Variants in ABI3BP observed in about 807,000 individuals in gnomAD.
ABI3BP encodes target of Nesh-SH3.
A neutral mutation model predicts 268.6 loss-of-function variants in ABI3BP; 216 were observed. The observed-to-expected ratio is 0.80, with a 90% confidence interval of 0.72 to 0.90. The LOEUF is 0.90. Among genes scored for constraint, ABI3BP ranks in the 40% least tolerant of loss-of-function variants. The probability of loss-of-function intolerance (pLI) is 0.00; values close to 1 mark genes in which losing one functional copy is unlikely to be tolerated. For missense variants in ABI3BP, 2,090 were observed against 2,182.4 expected, an observed-to-expected ratio of 0.96 and a Z score of 0.84; for synonymous variants, 730 against 730.0, an observed-to-expected ratio of 1.00 and a Z score of 0.00.
intron 2 of ABI3BP, among the ~76,000 whole-genome samples, chr3:100,916,552 G>C (rs182623629): frequency 3.3e-5 from 5 of 152,296 alleles, no homozygotes; most frequent in African/African-American, 1.2e-4. Context: ...GTGGGGCAAA[G>C]AGAATGCTAA....
At chr3:100,892,867 G>A (rs2045410832) in intron 4 of ABI3BP, among the ~76,000 whole-genome samples, 1 of 152,158 alleles carries the variant, frequency 6.6e-6, no homozygotes, top group Non-Finnish European at 1.5e-5. Flanking sequence ...ATATAATAAG[G>A]AGTGAGCAAA....
At chr3:100,939,425 G>A (rs914826320) in intron 1 of ABI3BP, among the ~76,000 whole-genome samples, 2 of 151,876 alleles carry the variant, frequency 1.3e-5, no homozygotes, top group African/African-American at 4.8e-5. Flanking sequence ...TTAAGCGTCA[G>A]CCAGCTTGAA....
intron 62 of ABI3BP, 142 bp from the exon 63 acceptor site, chr3:100,766,091 A>G (rs528604778): frequency 1.3e-5 from 8 of 608,922 alleles, no homozygotes; most frequent in Admixed American, 5.4e-5. Flanking sequence ...GATCTTACAC[A>G]TTGGCAATTT....
intron 1 of ABI3BP, among the ~76,000 whole-genome samples, chr3:100,979,890 A>C (rs1267673373): frequency 6.6e-6 from 1 of 152,238 alleles, no homozygotes; most frequent in Non-Finnish European, 1.5e-5. Flanking sequence ...GTTTTTGAAA[A>C]TTTGTGAAAT....
chr3:100,825,000 AG>A, intron 35 of ABI3BP, 59 bp from the exon 36 acceptor site: 3 of 1,409,176 alleles, frequency 2.1e-6, no homozygotes, highest in Non-Finnish European at 2.9e-6. Context: ...TACTGAGGAA[AG>A]GTTTTTCCAA....
intron 1 of ABI3BP, among the ~76,000 whole-genome samples, chr3:100,980,492 T>C (rs2088801182): frequency 6.6e-6 from 1 of 152,170 alleles, no homozygotes; most frequent in South Asian, 2.1e-4. Context: ...TTAATATGGG[T>C]TATAAAAGTC....
In ABI3BP at chr3:100,756,165, T is replaced by C. The variant is rs1477292179; in HGVS notation, c.4851-1474A>G. ...GTAAACCCTGATGAGATAAATCTTA[T>C]CCTAATTTTCAGCTGAGAGCAATGA... is the stretch of plus-strand genomic sequence containing the variant. On this transcript the variant is annotated intron_variant, in intron 63 of 67. Transcript: ENST00000471714. Among the ~76,000 whole-genome samples the C allele has an allele frequency of 1.3e-5, 2 of 152,360 alleles. 1 individual carries two copies. The highest frequency in any genetic ancestry group is 4.1e-4 in the South Asian group (2 of 4,830).
chr3:100,835,549 A>T, intron 28 of ABI3BP, 52 bp downstream of exon 28: 1 of 1,369,726 alleles, frequency 7.3e-7, no homozygotes, highest in Non-Finnish European at 1.0e-6. Context: ...GATGGAATAG[A>T]CTAGACAATG....
chr3:100,948,672 C>T (rs1382387934), intron 1 of ABI3BP, among the ~76,000 whole-genome samples: 2 of 152,132 alleles, frequency 1.3e-5, no homozygotes, highest in East Asian at 3.8e-4. Flanking sequence ...TTCCTCTACC[C>T]CAATAATAGT....
chr3:100,826,456 T>C lies in ABI3BP; in HGVS notation c.2603-612A>G, dbSNP rs1318157940. On this transcript the variant is annotated intron_variant, in intron 34 of 67. Transcript: ENST00000471714. ...TACATGAGGCAAACAATTCCTGTAG[T>C]TATGGTGTTTATCTGAATATAATAT... Among the ~76,000 whole-genome samples, 3 of 152,242 alleles carry C rather than the reference T, an allele frequency of 2.0e-5. No individual in the cohort carries two copies. In the East Asian group the frequency reaches 5.8e-4, roughly 29 times the overall value.
chr3:100,912,252 T>C (rs1040215172), intron 2 of ABI3BP: 1 of 36,490 alleles, frequency 2.7e-5, no homozygotes, highest in East Asian at 5.7e-4. Context: ...AAACAGTTTA[T>C]AGAAAAGGAA....
intron 1 of ABI3BP, among the ~76,000 whole-genome samples, chr3:100,963,593 A>G (rs776600360): frequency 7.9e-5 from 12 of 152,158 alleles, no homozygotes; most frequent in Non-Finnish European, 1.2e-4. Context: ...AACAGTTTCC[A>G]TTGTTCCCAG....
chr3:100,911,349 A>G (rs2056380036), intron 2 of ABI3BP: 2 of 270,414 alleles, frequency 7.4e-6, no homozygotes, highest in African/African-American at 2.3e-5. Context: ...ATAATGCTTG[A>G]CCAGGAAAAA....
At position 100,796,296 on chromosome 3, in the gene ABI3BP, A is replaced by AT. The variant is rs1287271127; in HGVS notation, c.3817+112dup. 4 of 823,484 alleles carry AT rather than the reference A, an allele frequency of 4.9e-6. No individual in the cohort carries two copies. In the East Asian group the frequency reaches 8.6e-5, roughly 18 times the overall value. 51.0% of individuals were successfully genotyped at this position (823,484 alleles called of 1,614,324 possible). ...CAAGAAATATGCATTTTATACCCATATTTTTTCTCTAAATTTCTTCCATAT... is the reference window on the plus strand; with the variant it reads ...CAAGAAATATGCATTTTATACCCATATTTTTTTCTCTAAATTTCTTCCATAT... On this transcript the variant is annotated intron_variant, in intron 52 of 67. Transcript: ENST00000471714.
chr3:100,968,967 C>G (rs957751237), intron 1 of ABI3BP, among the ~76,000 whole-genome samples: 1 of 152,170 alleles, frequency 6.6e-6, no homozygotes, highest in Non-Finnish European at 1.5e-5. Context: ...GGCAGTTTCT[C>G]CTGCAGGCCT....
chr3:100,893,990 A>G (rs1293512949), intron 4 of ABI3BP, among the ~76,000 whole-genome samples: 1 of 152,144 alleles, frequency 6.6e-6, no homozygotes, highest in African/African-American at 2.4e-5. Flanking sequence ...AGATTTCCTC[A>G]GTACTGTGGA....
At chr3:100,848,999 T>G (rs1200257639) in intron 17 of ABI3BP, 124 bp from the exon 18 acceptor site, 3 of 770,588 alleles carry the variant, frequency 3.9e-6, no homozygotes, top group Non-Finnish European at 6.5e-6. Context: ...CCTTAGAATG[T>G]CCAGTATACC....
intron 1 of ABI3BP, among the ~76,000 whole-genome samples, chr3:100,936,801 T>C (rs1011558590): frequency 2.0e-5 from 3 of 152,184 alleles, no homozygotes; most frequent in African/African-American, 7.2e-5. Context: ...GTAGTTTTTA[T>C]TTCTGTGGGA....
intron 2 of ABI3BP, among the ~76,000 whole-genome samples, chr3:100,915,730 C>T (rs905940786): frequency 2.0e-5 from 3 of 152,174 alleles, no homozygotes; most frequent in African/African-American, 4.8e-5. Context: ...ATGCAAGGTC[C>T]TTTAAGTGCA....
Sources: allele counts gnomAD v4.1 joint callset (sites outside exome capture counted in the v4.1 genomes callset), GRCh38; gene constraint gnomAD v4.1.1; transcripts MANE v1.5; gene names NCBI Gene and HGNC (gene_info 2026-07-23, HGNC 2026-07-21).